The following COL19A1 variants were observed in gnomAD, a reference collection of about 807,000 sequenced individuals.
The protein encoded by COL19A1 is collagen type XIX alpha 1 chain.
A neutral mutation model predicts 190.2 loss-of-function variants in COL19A1; 159 were observed. That is an observed-to-expected ratio of 0.84 (90% CI 0.73 to 0.95). The LOEUF is 0.95. Among genes scored for constraint, COL19A1 ranks in the 40% least tolerant of loss-of-function variants. The probability of loss-of-function intolerance (pLI) is 0.00; values close to 1 mark genes in which losing one functional copy is unlikely to be tolerated. For missense variants in COL19A1, 1,418 were observed against 1,431.9 expected, an observed-to-expected ratio of 0.99 and a Z score of 0.16; for synonymous variants, 509 against 458.9, an observed-to-expected ratio of 1.11 and a Z score of -1.39.
In COL19A1 at chr6:70,144,258, G is replaced by C. The variant is rs1327752968; in HGVS notation, c.1675G>C (p.Glu559Gln). 1 of 1,611,894 alleles carries C rather than the reference G, an allele frequency of 6.2e-7. No individual in the cohort carries two copies. Among genetic ancestry groups the C allele is most frequent in the African/African-American group, 1.3e-5 (1 of 74,790 alleles). Reference protein sequence around the residue: ...GIPGKQGIKGEKGDPGGIIGP... With the variant: ...GIPGKQGIKGQKGDPGGIIGP... ...CCCAGGAAAACAAGGCATTAAAGGA[G>C]AAAAGGTATAGTTTACATTTTCCTC... The change falls in exon 24 of 51, where the codon GAA (glutamate) becomes CAA (glutamine). Residue 559 changes from glutamate (E) to glutamine (Q), a missense_variant. Physicochemically the swap from Glu to Gln is conservative, Grantham distance 29. Transcript: ENST00000620364.
At chr6:70,186,541 T>A (rs1423265885) in intron 46 of COL19A1, among the ~76,000 whole-genome samples, 1 of 152,222 alleles carries the variant, frequency 6.6e-6, no homozygotes, top group East Asian at 1.9e-4. Flanking sequence ...AATTTTTAAG[T>A]CAAGAGAAAT....
chr6:70,115,751 C>A (rs1382564730), intron 16 of COL19A1, among the ~76,000 whole-genome samples: 1 of 149,688 alleles, frequency 6.7e-6, no homozygotes, highest in Non-Finnish European at 1.5e-5. Flanking sequence ...CTGCTCTTGG[C>A]TTTAGGAATC....
intron 16 of COL19A1, among the ~76,000 whole-genome samples, chr6:70,106,204 C>T (rs1020089377): frequency 2.0e-5 from 3 of 152,040 alleles, no homozygotes; most frequent in Non-Finnish European, 2.9e-5. Flanking sequence ...GTGTTTTAAC[C>T]AGTCCTTCTA....
At chr6:70,038,979 C>G (rs373811975) in intron 14 of COL19A1, among the ~76,000 whole-genome samples, 1 of 152,026 alleles carries the variant, frequency 6.6e-6, no homozygotes, top group Admixed American at 6.6e-5. Flanking sequence ...ATTGCTCGAA[C>G]CCGGGAGGCG....
intron 4 of COL19A1, among the ~76,000 whole-genome samples, chr6:69,903,235 G>A (rs1001517804): frequency 6.6e-6 from 1 of 152,202 alleles, no homozygotes; most frequent in Admixed American, 6.5e-5. Flanking sequence ...GACTGCGGCA[G>A]CAATCAAGGC....
chr6:70,018,533 A>G (rs1778243076), intron 11 of COL19A1, among the ~76,000 whole-genome samples: 1 of 152,144 alleles, frequency 6.6e-6, no homozygotes, highest in South Asian at 2.1e-4. Flanking sequence ...AACACTTGGA[A>G]TGACAGATCA....
At position 69,924,709 on chromosome 6, in the gene COL19A1, A is replaced by C. The variant is rs532882230; in HGVS notation, c.267-3200A>C. 3.9e-5 allele frequency among the ~76,000 whole-genome samples: 6 copies of C among 152,322 alleles called. No individual in the cohort carries two copies. The East Asian group carries it at 5.8e-4, about 15-fold the overall frequency. ...TAGTTCACAGTCCCACCAACAGTGT[A>C]AAAGTGTTCCTATTTCTCCACATCC... On this transcript the variant is annotated intron_variant, in intron 4 of 50. Transcript: ENST00000620364.
intron 18 of COL19A1, chr6:70,130,968 G>T: frequency 2.4e-6 from 1 of 424,330 alleles, no homozygotes; most frequent in South Asian, 1.8e-5. Flanking sequence ...CTGTCCAGTA[G>T]TGGTTTAACC....
At chr6:70,186,329 T>C (rs2150292499) in intron 46 of COL19A1, among the ~76,000 whole-genome samples, 1 of 152,328 alleles carries the variant, frequency 6.6e-6, no homozygotes, top group South Asian at 2.1e-4. Flanking sequence ...TTGATCAAAG[T>C]GTGCTAATAT....
At chr6:69,908,833 GT>G (rs1561985081) in intron 4 of COL19A1, among the ~76,000 whole-genome samples, 1 of 152,074 alleles carries the variant, frequency 6.6e-6, no homozygotes, top group East Asian at 1.9e-4. Flanking sequence ...ATGACTTAAA[GT>G]TTTTTCTTGG....
intron 4 of COL19A1, among the ~76,000 whole-genome samples, chr6:69,922,136 A>AT (rs147315382): frequency 0.015 from 2,277 of 151,532 alleles, 71 homozygotes; most frequent in African/African-American, 0.051. Context: ...GTAAGAGTAG[A>AT]TTTTTTTTTA....
intron 15 of COL19A1, among the ~76,000 whole-genome samples, chr6:70,073,946 G>A (rs1159463417): frequency 6.6e-6 from 1 of 152,184 alleles, no homozygotes; most frequent in Non-Finnish European, 1.5e-5. Context: ...AATGAATTAT[G>A]TTATTAATAA....
chr6:69,923,040 C>A (rs1291221567), intron 4 of COL19A1, among the ~76,000 whole-genome samples: 1 of 152,138 alleles, frequency 6.6e-6, no homozygotes, highest in African/African-American at 2.4e-5. Context: ...TTTTTATTAT[C>A]TTTTGCTTTG....
intron 9 of COL19A1, among the ~76,000 whole-genome samples, chr6:69,953,649 C>A (rs1229824286): frequency 6.6e-6 from 1 of 151,992 alleles, no homozygotes; most frequent in Non-Finnish European, 1.5e-5. Context: ...TCCACTCACA[C>A]CCCAAGTAGA....
At chr6:70,085,928 G>C (rs1782559314) in intron 15 of COL19A1, among the ~76,000 whole-genome samples, 1 of 152,164 alleles carries the variant, frequency 6.6e-6, no homozygotes. Context: ...AATGCTGAAA[G>C]TGAGTTATGC....
chr6:70,034,069 A>G (rs1239737867), intron 12 of COL19A1, among the ~76,000 whole-genome samples, 176 bp from the exon 13 acceptor site: 5 of 152,186 alleles, frequency 3.3e-5, no homozygotes, highest in Admixed American at 3.3e-4. Context: ...ATCTGTGCCC[A>G]CCACGGCACA....
intron 9 of COL19A1, among the ~76,000 whole-genome samples, chr6:69,953,259 A>G (rs1349966260): frequency 1.3e-5 from 2 of 152,024 alleles, no homozygotes; most frequent in African/African-American, 2.4e-5. Flanking sequence ...AATCACCTGT[A>G]TATCTGTGTA....
At chr6:70,094,927 C>A (rs1168726014) in intron 15 of COL19A1, among the ~76,000 whole-genome samples, 1 of 152,142 alleles carries the variant, frequency 6.6e-6, no homozygotes, top group Non-Finnish European at 1.5e-5. Context: ...TGAAATTTAA[C>A]ATACATTAAG....
intron 11 of COL19A1, among the ~76,000 whole-genome samples, chr6:69,984,820 A>G (rs140518304): frequency 1.3e-5 from 2 of 152,122 alleles, no homozygotes; most frequent in Non-Finnish European, 1.5e-5. Context: ...CATTTTAGCC[A>G]TTAGTCTTCT....
Sources: allele counts gnomAD v4.1 joint callset (sites outside exome capture counted in the v4.1 genomes callset), GRCh38; gene constraint gnomAD v4.1.1; transcripts MANE v1.5; gene names NCBI Gene and HGNC (gene_info 2026-07-23, HGNC 2026-07-21).